CBFA2T2: variants seen among roughly 807,000 people sequenced by gnomAD.
CBFA2T2 encodes the protein CBFA2/RUNX1 partner transcriptional co-repressor 2.
CBFA2T2 carries 11 observed loss-of-function variants against 62.2 expected under a neutral mutation model. The ratio of observed to expected loss-of-function variants is 0.18; its 90% CI spans 0.11 to 0.29. The LOEUF is 0.29. Ranked by LOEUF, CBFA2T2 falls within the 10% of genes least tolerant of loss-of-function variation. The pLI, the probability that CBFA2T2 is intolerant of heterozygous loss-of-function variation, is 1.00. For synonymous variants in CBFA2T2, 295 were observed against 287.5 expected (o/e 1.03, Z -0.27); for missense variants, 592 against 774.1 (o/e 0.76, Z 2.79).
chr20:33,586,275 T>G (rs973067640), intron 1 of CBFA2T2, among the ~76,000 whole-genome samples: 13 of 152,024 alleles, frequency 8.6e-5, no homozygotes, highest in African/African-American at 3.1e-4. Context: ...GCCTCCCAGG[T>G]TCAAGTGATT....
chr20:33,511,911 C>T (rs375471814), intron 1 of CBFA2T2, among the ~76,000 whole-genome samples: 11 of 152,088 alleles, frequency 7.2e-5, no homozygotes, highest in African/African-American at 2.7e-4. Flanking sequence ...GGCACAGTGG[C>T]TTACGCCTGT....
In CBFA2T2 at chr20:33,636,640, A is replaced by T; in HGVS notation, c.1229A>T (p.Asp410Val). 1.2e-6 allele frequency: 2 copies of T among 1,612,822 alleles called. No individual in the cohort carries two copies. The highest frequency in any genetic ancestry group is 1.7e-6 in the Non-Finnish European group (2 of 1,179,010). Residue 410 changes from aspartate (D) to valine (V), a missense_variant and splice_region_variant, in exon 9 of 11, where the codon GAT (aspartate) becomes GTT (valine). By Grantham distance (152) the Asp-to-Val change is radical. This residue lies in a region of CBFA2T2 where 449 missense variants were observed against 551.2 expected (regional missense o/e 0.81). Transcript: ENST00000342704. ...TATGCTTTTTATGTCTCTTCTGCAG[A>T]TTCTCAGAGAGAGTTCAACAGCAGG... ...SPGSADSLSN[D>V]SQREFNSRPG...
At chr20:33,547,877 TTTTA>T (rs2012626249) in intron 1 of CBFA2T2, among the ~76,000 whole-genome samples, 1 of 152,176 alleles carries the variant, frequency 6.6e-6, no homozygotes, top group African/African-American at 2.4e-5. Flanking sequence ...CGTTACTAAT[TTTTA>T]TTTATAAAAC....
intron 1 of CBFA2T2, among the ~76,000 whole-genome samples, chr20:33,596,780 A>G (rs1003814971): frequency 9.2e-5 from 14 of 152,294 alleles, no homozygotes; most frequent in East Asian, 1.9e-4. Flanking sequence ...TAGAATATCT[A>G]CTGAGCATTT....
intron 1 of CBFA2T2, among the ~76,000 whole-genome samples, chr20:33,577,838 T>G (rs1033860380): frequency 2.0e-5 from 3 of 152,226 alleles, no homozygotes; most frequent in Non-Finnish European, 4.4e-5. Context: ...ACTGTCTTAG[T>G]GTCATTTAAA....
At chr20:33,627,914 C>CA (rs1207721624) in intron 6 of CBFA2T2, among the ~76,000 whole-genome samples, 1 of 152,086 alleles carries the variant, frequency 6.6e-6, no homozygotes, top group African/African-American at 2.4e-5. Flanking sequence ...ATCCCCCCAC[C>CA]AAAAAAATTT....
rs78393320 is a variant in CBFA2T2 at position 33,585,686 on chromosome 20, C to T, written c.35-21270C>T. On this transcript the variant is annotated intron_variant, in intron 1 of 10. Transcript: ENST00000342704. ...AACCTCACTAATTGAATGTTGGTACCTTGAAATACATTTATTTCTGTGCTT... is the reference window on the plus strand; with the variant it reads ...AACCTCACTAATTGAATGTTGGTACTTTGAAATACATTTATTTCTGTGCTT... Among the ~76,000 whole-genome samples the T allele has an allele frequency of 5.6e-3, 847 of 152,240 alleles. 5 individuals carry two copies. The highest frequency in any genetic ancestry group is 0.019 in the African/African-American group (792 of 41,530).
At chr20:33,573,429 A>G (rs987338209) in intron 1 of CBFA2T2, among the ~76,000 whole-genome samples, 1 of 152,056 alleles carries the variant, frequency 6.6e-6, no homozygotes, top group Non-Finnish European at 1.5e-5. Context: ...AGTGTTCAGT[A>G]CTGTATGTGA....
At chr20:33,614,285 A>G (rs1323560899) in intron 3 of CBFA2T2, among the ~76,000 whole-genome samples, 1 of 152,106 alleles carries the variant, frequency 6.6e-6, no homozygotes, top group African/African-American at 2.4e-5. Flanking sequence ...TTTTAAGTAG[A>G]CAGTTCAGTG....
intron 1 of CBFA2T2, among the ~76,000 whole-genome samples, chr20:33,544,985 T>C (rs967695285): frequency 1.1e-3 from 147 of 134,584 alleles, no homozygotes; most frequent in African/African-American, 4.6e-3. Flanking sequence ...TAGAATAGAA[T>C]AGAATAGAAT....
chr20:33,588,428 A>G (rs1274795251), intron 1 of CBFA2T2, among the ~76,000 whole-genome samples: 1 of 151,632 alleles, frequency 6.6e-6, no homozygotes, highest in Non-Finnish European at 1.5e-5. Flanking sequence ...AATGTAGCAT[A>G]TATTAATATA....
chr20:33,598,221 GATAAACCGGTCTGACCAAA>G (rs2014970772), intron 1 of CBFA2T2, among the ~76,000 whole-genome samples: 1 of 152,156 alleles, frequency 6.6e-6, no homozygotes, highest in African/African-American at 2.4e-5. Context: ...AGGGTTTTGA[GATAAACCGGTCTGACCAAA>G]ATTTATTAGG....
At chr20:33,640,103 G>C (rs956189575) in intron 9 of CBFA2T2, among the ~76,000 whole-genome samples, 1 of 152,200 alleles carries the variant, frequency 6.6e-6, no homozygotes, top group Non-Finnish European at 1.5e-5. Flanking sequence ...AAGCAGTCAG[G>C]AGAGTGTGGC....
At chr20:33,575,831 GCAGTGGCGCGATCT>G in intron 1 of CBFA2T2, among the ~76,000 whole-genome samples, 1 of 152,214 alleles carries the variant, frequency 6.6e-6, no homozygotes, top group Admixed American at 6.5e-5. Flanking sequence ...AGGCTGGAGT[GCAGTGGCGCGATCT>G]CAGCTCACTG....
rs756807530 is a variant in CBFA2T2 at position 33,606,979 on chromosome 20, G to A, written c.58G>A (p.Ala20Thr). The A allele has an allele frequency of 1.9e-6, 3 of 1,613,846 alleles. No homozygotes were observed. The South Asian group carries it at 3.3e-5, about 18-fold the overall frequency. The change falls in exon 2 of 11, where the codon GCG (alanine) becomes ACG (threonine). Residue 20 changes from alanine (A) to threonine (T), a missense_variant. Physicochemically the swap from Ala to Thr is moderately conservative, Grantham distance 58. Coordinates refer to ENST00000342704, the MANE Select transcript of CBFA2T2 (RefSeq NM_001032999.3). ...FQLGPEKRVPAMPGSPVEVKI... is the reference protein window; with the variant it reads ...FQLGPEKRVPTMPGSPVEVKI... ...AGTTGGTCCTGAGAAAAGGGTGCCA[G>A]CGATGCCTGGATCGCCTGTGGAAGT...
At chr20:33,587,391 C>T (rs934523041) in intron 1 of CBFA2T2, among the ~76,000 whole-genome samples, 6 of 152,142 alleles carry the variant, frequency 3.9e-5, no homozygotes, top group Non-Finnish European at 8.8e-5. Flanking sequence ...CTCAGCCTCC[C>T]GAGTAGCTGG....
chr20:33,594,020 T>C (rs2014780130), intron 1 of CBFA2T2, among the ~76,000 whole-genome samples: 1 of 152,172 alleles, frequency 6.6e-6, no homozygotes, highest in South Asian at 2.1e-4. Context: ...AGATCTGTTT[T>C]AGGTTTTAAA....
At chr20:33,602,240 TAAAG>T (rs2015167613) in intron 1 of CBFA2T2, among the ~76,000 whole-genome samples, 1 of 152,040 alleles carries the variant, frequency 6.6e-6, no homozygotes, top group Non-Finnish European at 1.5e-5. Context: ...CAGGGACAGA[TAAAG>T]AAAACCACTG....
At position 33,640,551 on chromosome 20, in the gene CBFA2T2, G is replaced by A. The variant is rs1367419044; in HGVS notation, c.1488+20G>A. The stretch of plus-strand genomic sequence containing the variant: ...ACGGAGGTCAGAGCTCTGCGCCCTG[G>A]GGGCTGGGGTGAGCAGCTGGAGTGA... On this transcript the variant is annotated intron_variant, in intron 10 of 10. Transcript: ENST00000342704. 1 of 1,612,122 alleles carries A rather than the reference G, an allele frequency of 6.2e-7. No individual in the cohort carries two copies.
Sources: gnomAD v4.1 joint callset for allele counts (sites outside exome capture counted in the v4.1 genomes callset) on GRCh38, gnomAD v4.1.1 for gene constraint, gnomAD v4.1.1 regional missense constraint, MANE v1.5 for transcripts, NCBI Gene and HGNC (gene_info 2026-07-23, HGNC 2026-07-21) for gene names.